IMMT: variants seen among roughly 807,000 people sequenced by gnomAD.
The protein encoded by IMMT is MICOS complex subunit MIC60.
Under a neutral mutation model 92.7 loss-of-function variants are expected in IMMT, and 40 were observed. The observed-to-expected ratio is 0.43, with a 90% CI of 0.34 to 0.56. The LOEUF (loss-of-function observed/expected upper bound fraction) is 0.56. Among genes scored for constraint, IMMT ranks in the 20% least tolerant of loss-of-function variants. IMMT has a pLI of 0.03. For synonymous variants in IMMT, 322 were observed against 336.1 expected (o/e 0.96, Z 0.46); for missense variants, 831 against 912.1 (o/e 0.91, Z 1.14).
chr2:86,195,325 C>G lies in IMMT; in HGVS notation c.45+13G>C. The G allele has an allele frequency of 6.5e-7, 1 of 1,544,090 alleles. No individual in the cohort carries two copies. Among genetic ancestry groups the G allele is most frequent in the Non-Finnish European group, 8.7e-7 (1 of 1,143,458 alleles). ...CAGCCTCCTCACGCGCCTCCGGGAG[C>G]CCCAGTGCTCACCTGGGCGGCGGCG... is the stretch of plus-strand genomic sequence containing the variant. On this transcript the variant is annotated intron_variant, in intron 1 of 14. Transcript: ENST00000410111.
chr2:86,144,041 T>TGAA lies in IMMT; in HGVS notation c.*224_*226dup, dbSNP rs1674803003. 1.7e-6 allele frequency: 1 copy of TGAA among 591,922 alleles called. No homozygotes were observed. The highest frequency in any genetic ancestry group is 3.0e-5 in the Admixed American group (1 of 33,120). 36.7% of individuals were successfully genotyped at this position (591,922 alleles called of 1,614,324 possible). On this transcript the variant is annotated 3_prime_UTR_variant, in exon 15 of 15. Transcript: ENST00000410111. ...CCTCACAAGCCTCATCAGTAAAACCTGAAAAAACAGAAAATGTTACACAAG... is the reference window on the plus strand; with the variant it reads ...CCTCACAAGCCTCATCAGTAAAACCTGAAGAAAAAACAGAAAATGTTACACAAG...
rs536199152 is a variant in IMMT at position 86,166,761 on chromosome 2, C to A, written c.656-117G>T. The A allele has an allele frequency of 1.1e-5, 11 of 986,096 alleles. No homozygotes were observed. In the African/African-American group the frequency reaches 1.6e-4, roughly 15 times the overall value. The allele number at this position is 986,096 out of a possible 1,614,324, so 61.1% of individuals were successfully genotyped here. A position where few individuals can be genotyped will look rare whatever the true frequency, so the allele number is the denominator to read the frequency against. ...ATTTCCCAAAAAATTTAAAAAGGAA[C>A]AAAATACATGAGACTCAAATTTAGG... On this transcript the variant is annotated intron_variant, in intron 6 of 14. Coordinates refer to ENST00000410111, the MANE Select transcript of IMMT (RefSeq NM_006839.3).
intron 10 of IMMT, 92 bp from the exon 11 acceptor site, chr2:86,153,666 A>G: frequency 1.3e-6 from 1 of 762,542 alleles, no homozygotes; most frequent in Non-Finnish European, 2.0e-6. Context: ...AGGAAACAAG[A>G]AGGAATCGGA....
At chr2:86,148,490 T>TAGTC (rs1173806502) in intron 12 of IMMT, among the ~76,000 whole-genome samples, 6 of 152,032 alleles carry the variant, frequency 3.9e-5, no homozygotes, top group African/African-American at 1.4e-4. Flanking sequence ...CGGGTGCCTG[T>TAGTC]AGTCCCAGCT....
intron 10 of IMMT, among the ~76,000 whole-genome samples, chr2:86,157,879 G>A (rs958310045): frequency 6.6e-6 from 1 of 151,604 alleles, no homozygotes; most frequent in African/African-American, 2.4e-5. Flanking sequence ...TTGGGAAGCT[G>A]AGGCAGGAGG....
At chr2:86,162,121 A>T in intron 7 of IMMT, 42 bp from the exon 8 acceptor site, 4 of 1,257,610 alleles carry the variant, frequency 3.2e-6, no homozygotes, top group Non-Finnish European at 3.3e-6. Flanking sequence ...AACTGCTATT[A>T]TTGTCATATG....
chr2:86,145,547 A>G (rs1372099680), intron 14 of IMMT, among the ~76,000 whole-genome samples: 4 of 151,738 alleles, frequency 2.6e-5, no homozygotes, highest in African/African-American at 7.3e-5. Flanking sequence ...CGAACTTAAC[A>G]GACTACTGGA....
intron 6 of IMMT, among the ~76,000 whole-genome samples, chr2:86,170,524 A>G (rs1677007591): frequency 6.6e-6 from 1 of 152,214 alleles, no homozygotes; most frequent in African/African-American, 2.4e-5. Context: ...CTTTAGTATT[A>G]TTTGGAGTTT....
intron 10 of IMMT, among the ~76,000 whole-genome samples, chr2:86,156,009 A>G (rs1282969296): frequency 6.6e-6 from 1 of 152,238 alleles, no homozygotes; most frequent in Non-Finnish European, 1.5e-5. Flanking sequence ...CACTCAAAAA[A>G]GAAACAATAT....
intron 3 of IMMT, among the ~76,000 whole-genome samples, chr2:86,177,505 G>C (rs1260903141): frequency 6.6e-6 from 1 of 151,976 alleles, no homozygotes; most frequent in East Asian, 1.9e-4. Flanking sequence ...TTGGGAGGCT[G>C]AAGCAGAATT....
chr2:86,146,901 C>T (rs994494237), intron 13 of IMMT, among the ~76,000 whole-genome samples: 14 of 152,192 alleles, frequency 9.2e-5, no homozygotes, highest in African/African-American at 3.4e-4. Context: ...GCTGGGATTA[C>T]ATGCATGCAC....
At chr2:86,147,452 C>T (rs1165602270) in intron 13 of IMMT, among the ~76,000 whole-genome samples, 2 of 152,192 alleles carry the variant, frequency 1.3e-5, no homozygotes, top group Admixed American at 6.5e-5. Context: ...ATATTACTGT[C>T]TGCATTCCTG....
intron 7 of IMMT, among the ~76,000 whole-genome samples, chr2:86,162,338 G>GTTTTTTTTTTTTT (rs1346343442): frequency 8.8e-6 from 1 of 113,696 alleles, no homozygotes; most frequent in African/African-American, 3.4e-5. Flanking sequence ...TCTAAGGAGA[G>GTTTTTTTTTTTTT]TTGTTTTTTT....
At chr2:86,153,502 T>TTA in intron 11 of IMMT, 58 bp downstream of exon 11, 1 of 981,122 alleles carries the variant, frequency 1.0e-6, no homozygotes, top group Middle Eastern at 2.2e-4. Context: ...CAAAAAGACT[T>TTA]TAGTCTCTTA....
rs578102574 is a variant in IMMT, at chr2:86,155,630, G to A, written c.1163-2056C>T. Among the ~76,000 whole-genome samples the A allele has an allele frequency of 3.9e-5, 6 of 152,352 alleles. No individual in the cohort carries two copies. In the South Asian group the frequency reaches 1.2e-3, roughly 32 times the overall value. On this transcript the variant is annotated intron_variant, in intron 10 of 14. Transcript: ENST00000410111. ...CTCAGCTACAGATAACACAGAAAGA[G>A]TACTGGATGTAGTGAACATCATCAG...
chr2:86,172,108 T>C (rs370892697), intron 4 of IMMT, among the ~76,000 whole-genome samples: 1 of 151,632 alleles, frequency 6.6e-6, no homozygotes, highest in Admixed American at 6.6e-5. Flanking sequence ...GCTGGGACTA[T>C]ACGTGTATAC....
At chr2:86,171,532 AAATGGAC>A (rs1248517928) in intron 4 of IMMT, 187 bp from the exon 5 acceptor site, 1 of 581,038 alleles carries the variant, frequency 1.7e-6, no homozygotes, top group Non-Finnish European at 3.1e-6. Context: ...AACTCACACA[AAATGGAC>A]AATGGTTGGG....
At chr2:86,173,605 G>T in intron 4 of IMMT, 45 bp downstream of exon 4, 2 of 1,049,066 alleles carry the variant, frequency 1.9e-6, no homozygotes, top group Non-Finnish European at 2.9e-6. Context: ...AATTGGTGAA[G>T]AGATTTACCT....
intron 1 of IMMT, among the ~76,000 whole-genome samples, chr2:86,190,687 T>C (rs910118676): frequency 2.0e-5 from 3 of 152,132 alleles, no homozygotes; most frequent in Non-Finnish European, 4.4e-5. Context: ...AGCCCAAACA[T>C]AAAGAATAAG....
Sources: gnomAD v4.1 joint callset for allele counts (sites outside exome capture counted in the v4.1 genomes callset) on GRCh38, gnomAD v4.1.1 for gene constraint, MANE v1.5 for transcripts, NCBI Gene and HGNC (gene_info 2026-07-23, HGNC 2026-07-21) for gene names.